Variants in ZNF469 observed in about 807,000 individuals in gnomAD.
The protein encoded by ZNF469 is zinc finger protein 469.
Under a neutral mutation model 1.0 loss-of-function variants are expected in ZNF469, and 1 was observed. That is an observed-to-expected ratio of 1.00 (90% CI 0.35 to 4.73). The LOEUF (loss-of-function observed/expected upper bound fraction) is 4.73, where lower values mean the gene tolerates loss of function less well. Among genes scored for constraint, ZNF469 ranks in the 30% most tolerant of loss-of-function variants. ZNF469 has a pLI of 0.16. For synonymous variants in ZNF469, 2,703 were observed against 2,363.4 expected (o/e 1.14, Z -4.17); for missense variants, 6,100 against 5,356.3 (o/e 1.14, Z -4.33).
chr16:88,154,833 T>G, the ZNF469 span, among the ~76,000 whole-genome samples: 4 of 152,156 alleles, frequency 2.6e-5, no homozygotes, highest in African/African-American at 9.7e-5. Flanking sequence ...CGGACGGGAT[T>G]TAAGCCTGGG....
chr16:88,357,819 T>G, the ZNF469 span, among the ~76,000 whole-genome samples: 1 of 152,242 alleles, frequency 6.6e-6, no homozygotes, highest in Admixed American at 6.5e-5. Flanking sequence ...TGGTTGTTAT[T>G]AAGCGAGTGA....
intron 1 of ZNF469, among the ~76,000 whole-genome samples, chr16:88,394,166 G>A (rs567737600): frequency 6.6e-6 from 1 of 151,772 alleles, no homozygotes; most frequent in East Asian, 1.9e-4. Flanking sequence ...GAGGGATGGG[G>A]TTTGACAGGT....
intron 1 of ZNF469, among the ~76,000 whole-genome samples, chr16:88,406,664 C>T (rs564415849): frequency 3.3e-5 from 5 of 152,186 alleles, no homozygotes; most frequent in African/African-American, 9.6e-5. Flanking sequence ...CTCCGAGGGC[C>T]GCAGAGTCCT....
the ZNF469 span, among the ~76,000 whole-genome samples, chr16:88,353,324 C>T: frequency 4.6e-5 from 7 of 152,250 alleles, no homozygotes; most frequent in East Asian, 1.9e-4. Context: ...CAGGAACCAC[C>T]GATGGCTTCT....
chr16:88,386,897 G>T (rs754829091), intron 1 of ZNF469, among the ~76,000 whole-genome samples: 3 of 152,148 alleles, frequency 2.0e-5, no homozygotes, highest in African/African-American at 7.2e-5. Context: ...CTCCCTCCCC[G>T]TGCTCATCAT....
rs1906853180 is a variant in ZNF469 at position 88,439,464 on chromosome 16, T to G, written c.*132T>G. The G allele has an allele frequency of 1.0e-6, 1 of 998,386 alleles. No homozygotes were observed. Among genetic ancestry groups the G allele is most frequent in the Admixed American group, 2.1e-5 (1 of 47,292 alleles). The allele number at this position is 998,386 out of a possible 1,614,324, so 61.8% of individuals were successfully genotyped here. A position where few individuals can be genotyped will look rare whatever the true frequency, so the allele number is the denominator to read the frequency against. On this transcript the variant is annotated 3_prime_UTR_variant, in exon 3 of 3. Transcript: ENST00000565624. Reference sequence around the variant, plus strand: ...TCTTGTGCAACTGCTCAGGCCTTGATGTCAGAGCTGAGGTGGTGATGCTTT... The same window carrying G: ...TCTTGTGCAACTGCTCAGGCCTTGAGGTCAGAGCTGAGGTGGTGATGCTTT...
At chr16:88,349,966 G>A in the ZNF469 span, among the ~76,000 whole-genome samples, 5 of 11,544 alleles carry the variant, frequency 4.3e-4, no homozygotes, top group African/African-American at 1.5e-3. Context: ...CACCATGAGC[G>A]ATACATACCA....
intron 1 of ZNF469, among the ~76,000 whole-genome samples, chr16:88,403,830 C>T (rs569187278): frequency 6.6e-6 from 1 of 152,312 alleles, no homozygotes; most frequent in Non-Finnish European, 1.5e-5. Flanking sequence ...CCACTCAGCT[C>T]AGGTGCCCCC....
chr16:88,431,219 C>A lies in ZNF469; in HGVS notation c.3749C>A (p.Ala1250Asp). 6.4e-7 allele frequency: 1 copy of A among 1,550,408 alleles called. No homozygotes were observed. Reference protein sequence around the residue: ...EFTEALRSPPAACAGEMGASP... With the variant: ...EFTEALRSPPDACAGEMGASP... The stretch of plus-strand genomic sequence containing the variant: ...ACAGAGGCTTTGCGTTCTCCTCCAG[C>A]CGCCTGTGCGGGAGAAATGGGAGCA... Residue 1250 changes from alanine to aspartate, a missense_variant, in exon 3 of 3, where the codon GCC becomes GAC. By Grantham distance (126) the Ala-to-Asp change is moderately radical. Transcript: ENST00000565624.
the ZNF469 span, among the ~76,000 whole-genome samples, chr16:88,182,644 A>T: frequency 1.3e-5 from 2 of 152,116 alleles, no homozygotes; most frequent in Admixed American, 6.6e-5. Flanking sequence ...TGGGATAAAG[A>T]TACTCTTTCC....
In ZNF469 at chr16:88,433,224, C is replaced by G. The variant is rs953535318; in HGVS notation, c.5754C>G (p.Gly1918=). Residue 1918 remains glycine, a synonymous_variant, in exon 3 of 3, where the codon GGC becomes GGG. Transcript: ENST00000565624. ...CTGGAGTGGCTAAGAGTAAAGATGG[C>G]ATCCTGGGCTTGCAGGAGCTGACAC... ...PGPGVAKSKD[G]ILGLQELTPA... is the part of the protein sequence containing the mutation. 1 of 1,550,244 alleles carries G rather than the reference C, an allele frequency of 6.5e-7. No individual in the cohort carries two copies. Among genetic ancestry groups the G allele is most frequent in the African/African-American group, 1.4e-5 (1 of 73,050 alleles).
chr16:88,257,250 C>T, the ZNF469 span, among the ~76,000 whole-genome samples: 1 of 152,008 alleles, frequency 6.6e-6, no homozygotes, highest in South Asian at 2.1e-4. Flanking sequence ...GGGCGTGAGC[C>T]ACCGTGCCCA....
At chr16:88,359,264 T>G in the ZNF469 span, among the ~76,000 whole-genome samples, 1 of 151,698 alleles carries the variant, frequency 6.6e-6, no homozygotes, top group Non-Finnish European at 1.5e-5. Flanking sequence ...CTCGGTACCC[T>G]GCCCGCATTT....
intron 1 of ZNF469, among the ~76,000 whole-genome samples, chr16:88,402,828 C>T (rs1875243): frequency 0.23 from 35,608 of 152,106 alleles, 4,411 homozygotes; most frequent in African/African-American, 0.31. Flanking sequence ...CTTACCAGTG[C>T]GGAAACCGAG....
chr16:88,235,357 G>T, the ZNF469 span, among the ~76,000 whole-genome samples: 7 of 152,120 alleles, frequency 4.6e-5, no homozygotes, highest in Non-Finnish European at 1.0e-4. Flanking sequence ...TCCTTCTGAG[G>T]CTCTCTCCTT....
At chr16:88,159,183 G>A in the ZNF469 span, among the ~76,000 whole-genome samples, 1 of 94,062 alleles carries the variant, frequency 1.1e-5, no homozygotes, top group East Asian at 3.5e-4. Flanking sequence ...TCACTGTCCT[G>A]GTCACGGATG....
At chr16:88,408,349 G>A (rs936649839) in intron 1 of ZNF469, among the ~76,000 whole-genome samples, 18 of 152,122 alleles carry the variant, frequency 1.2e-4, no homozygotes, top group African/African-American at 3.9e-4. Flanking sequence ...ACGGGGTTTC[G>A]CCATGTTGGC....
In ZNF469 at chr16:88,431,334, G is replaced by A. The variant is rs1268811640; in HGVS notation, c.3864G>A (p.Ala1288=). ...PKPSGSLANT[A]PHGSSPTPGV... ...CGTCGGGAAGCCTCGCCAACACGGC[G>A]CCCCACGGAAGCTCGCCAACGCCAG... Residue 1288 remains alanine, a synonymous_variant, in exon 3 of 3, where the codon GCG becomes GCA. Coordinates refer to ENST00000565624, the MANE Select transcript of ZNF469 (RefSeq NM_001367624.2). 4 of 1,549,420 alleles carry A rather than the reference G, an allele frequency of 2.6e-6. No individual in the cohort carries two copies. Among genetic ancestry groups the A allele is most frequent in the Non-Finnish European group, 3.5e-6 (4 of 1,146,560 alleles).
chr16:88,229,523 T>C, the ZNF469 span, among the ~76,000 whole-genome samples: 3 of 149,676 alleles, frequency 2.0e-5, no homozygotes, highest in African/African-American at 7.4e-5. Context: ...AATGTGTGCG[T>C]GTGTGCTGAT....
Sources: gnomAD v4.1 joint callset for allele counts (sites outside exome capture counted in the v4.1 genomes callset) on GRCh38, gnomAD v4.1.1 for gene constraint, MANE v1.5 for transcripts, NCBI Gene and HGNC (gene_info 2026-07-23, HGNC 2026-07-21) for gene names.